Variants in DOCK1 observed in about 807,000 individuals in gnomAD.
DOCK1 encodes the protein dedicator of cytokinesis 1, also known as dedicator of cytokinesis protein 1.
In DOCK1, 138 loss-of-function variants were observed where a neutral mutation model predicts 262.7. That is an observed-to-expected ratio of 0.53 (90% CI 0.46 to 0.61). The LOEUF is 0.61. DOCK1 is among the 20% of genes least tolerant of loss of function. The probability of loss-of-function intolerance (pLI) is 0.00; values close to 1 mark genes in which losing one functional copy is unlikely to be tolerated. For missense variants in DOCK1, 1,908 were observed against 2,370.7 expected (o/e 0.80, Z 4.05); for synonymous variants, 866 against 867.4 (o/e 1.00, Z 0.03).
chr10:127,005,298 C>A (rs967258116), intron 10 of DOCK1, among the ~76,000 whole-genome samples: 1 of 151,656 alleles, frequency 6.6e-6, no homozygotes, highest in African/African-American at 2.4e-5. Flanking sequence ...TACCACTGCA[C>A]TTCAGCCTAG....
At chr10:127,243,651 G>A (rs2059337581) in intron 27 of DOCK1, among the ~76,000 whole-genome samples, 1 of 152,164 alleles carries the variant, frequency 6.6e-6, no homozygotes, top group Non-Finnish European at 1.5e-5. Flanking sequence ...GGGGGTGTGC[G>A]GGGACGACTT....
intron 27 of DOCK1, among the ~76,000 whole-genome samples, chr10:127,144,955 T>A (rs1482964196): frequency 6.6e-6 from 1 of 151,192 alleles, no homozygotes; most frequent in African/African-American, 2.5e-5. Context: ...ATAGTTTTTT[T>A]AAAAAAGCAT....
At chr10:126,970,885 A>G in intron 2 of DOCK1, 100 bp downstream of exon 2, 5 of 1,336,708 alleles carry the variant, frequency 3.7e-6, no homozygotes, top group Non-Finnish European at 5.1e-6. Flanking sequence ...CAGACACATA[A>G]GACAGTCATG....
At chr10:127,392,004 C>T (rs904326204) in intron 38 of DOCK1, among the ~76,000 whole-genome samples, 7 of 151,968 alleles carry the variant, frequency 4.6e-5, no homozygotes, top group African/African-American at 1.7e-4. Flanking sequence ...ATCGAGCCTC[C>T]AGATGTACCC....
chr10:126,999,307 C>G (rs984231499), intron 8 of DOCK1, 47 bp from the exon 9 acceptor site: 1 of 1,468,018 alleles, frequency 6.8e-7, no homozygotes, highest in African/African-American at 1.4e-5. Context: ...CATTTGGTAC[C>G]CTGTTATTTG....
intron 51 of DOCK1, 120 bp from the exon 52 acceptor site, chr10:127,451,212 T>TCA (rs1373670571): frequency 4.7e-5 from 53 of 1,129,144 alleles, no homozygotes; most frequent in Non-Finnish European, 6.0e-5. Flanking sequence ...GGAGCCCAAC[T>TCA]CATGTGGGGA....
At chr10:127,245,018 A>G (rs1342349927) in intron 27 of DOCK1, among the ~76,000 whole-genome samples, 2 of 152,166 alleles carry the variant, frequency 1.3e-5, no homozygotes, top group Non-Finnish European at 2.9e-5. Flanking sequence ...GTTCCTAATA[A>G]ATGACTGGTT....
At chr10:127,217,954 C>T (rs2498943) in intron 27 of DOCK1, among the ~76,000 whole-genome samples, 29,085 of 152,034 alleles carry the variant, frequency 0.19, 3,312 homozygotes, top group African/African-American at 0.31. Context: ...AGTCCTTTCC[C>T]CATTGCTTTT....
chr10:127,064,691 C>T (rs2045747890), intron 23 of DOCK1, among the ~76,000 whole-genome samples: 1 of 152,230 alleles, frequency 6.6e-6, no homozygotes, highest in Non-Finnish European at 1.5e-5. Flanking sequence ...CACCGTCCCT[C>T]AGTGAATGGC....
At chr10:127,243,577 A>G (rs895684267) in intron 27 of DOCK1, among the ~76,000 whole-genome samples, 1 of 151,682 alleles carries the variant, frequency 6.6e-6, no homozygotes, top group Non-Finnish European at 1.5e-5. Context: ...CTATCAACCT[A>G]CCTAGTGAAA....
chr10:127,153,236 C>T (rs1052786436), intron 27 of DOCK1, among the ~76,000 whole-genome samples: 1 of 152,206 alleles, frequency 6.6e-6, no homozygotes, highest in African/African-American at 2.4e-5. Flanking sequence ...TTGACTATAT[C>T]TTAAAATCCT....
chr10:127,219,692 G>A (rs891116861), intron 27 of DOCK1, among the ~76,000 whole-genome samples: 2 of 152,022 alleles, frequency 1.3e-5, no homozygotes, highest in Admixed American at 6.6e-5. Flanking sequence ...GTCTCTATGA[G>A]TTTGGTTACT....
At chr10:126,950,892 G>T (rs1253926140) in intron 1 of DOCK1, among the ~76,000 whole-genome samples, 3 of 152,108 alleles carry the variant, frequency 2.0e-5, no homozygotes, top group African/African-American at 7.2e-5. Context: ...TGGTGCTGGT[G>T]ATGTTGGTGA....
At chr10:126,955,374 C>T (rs1485280486) in intron 1 of DOCK1, among the ~76,000 whole-genome samples, 2 of 152,224 alleles carry the variant, frequency 1.3e-5, no homozygotes, top group East Asian at 3.9e-4. Flanking sequence ...GATCCGCTCA[C>T]CTTGGCCTCC....
At chr10:127,071,734 A>G (rs1051748938) in intron 23 of DOCK1, among the ~76,000 whole-genome samples, 2 of 152,140 alleles carry the variant, frequency 1.3e-5, no homozygotes, top group African/African-American at 2.4e-5. Context: ...TAATTTTTCT[A>G]TTGTTGAATA....
At chr10:127,390,794 T>C (rs1463452086) in intron 38 of DOCK1, among the ~76,000 whole-genome samples, 1 of 152,198 alleles carries the variant, frequency 6.6e-6, no homozygotes, top group Non-Finnish European at 1.5e-5. Flanking sequence ...TTTGTATAGA[T>C]TTCATGTTGA....
At chr10:127,196,257 C>G (rs12762295) in intron 27 of DOCK1, 1 of 148,804 alleles carries the variant, frequency 6.7e-6, no homozygotes, top group Non-Finnish European at 1.5e-5. Flanking sequence ...GCTCGCGTCC[C>G]TCCGGCCCCG....
At chr10:126,933,119 G>A (rs2034305471) in intron 1 of DOCK1, among the ~76,000 whole-genome samples, 1 of 152,122 alleles carries the variant, frequency 6.6e-6, no homozygotes, top group Non-Finnish European at 1.5e-5. Context: ...GGCTGCCAAT[G>A]TGGCAGGGCT....
In DOCK1 at chr10:127,211,794, C is replaced by T. The variant is rs927605372; in HGVS notation, c.2848-36214C>T. Among the ~76,000 whole-genome samples the T allele has an allele frequency of 2.0e-5, 3 of 152,146 alleles. 1 individual carries two copies. The South Asian group carries it at 6.2e-4, about 31-fold the overall frequency. ...ACCCCCAGGATGGGAGCCCTGAATC[C>T]TCATGGGATGTGCGCTGAGATACAA... On this transcript the variant is annotated intron_variant, in intron 27 of 51. Transcript: ENST00000623213.
Sources: allele counts gnomAD v4.1 joint callset (sites outside exome capture counted in the v4.1 genomes callset), GRCh38; gene constraint gnomAD v4.1.1; transcripts MANE v1.5; gene names NCBI Gene and HGNC (gene_info 2026-07-23, HGNC 2026-07-21).